The following ULK4 variants were observed in gnomAD, a reference collection of about 807,000 sequenced individuals.
ULK4 encodes unc-51 like kinase 4, also known as inactive serine/threonine-protein kinase ULK4.
A neutral mutation model predicts 160.6 loss-of-function variants in ULK4; 133 were observed. That is an observed-to-expected ratio of 0.83 (90% CI 0.72 to 0.96). The LOEUF is 0.96. Among genes scored for constraint, ULK4 ranks in the 40% least tolerant of loss-of-function variants. The probability of loss-of-function intolerance (pLI) is 0.00; values close to 1 mark genes in which losing one functional copy is unlikely to be tolerated. For missense variants in ULK4, 1,580 were observed against 1,499.5 expected (o/e 1.05, Z -0.89); for synonymous variants, 534 against 539.8 (o/e 0.99, Z 0.15).
intron 35 of ULK4, among the ~76,000 whole-genome samples, chr3:41,312,950 A>T (rs1447813298): frequency 1.3e-5 from 2 of 152,222 alleles, no homozygotes; most frequent in Non-Finnish European, 2.9e-5. Context: ...CATCATACAA[A>T]CAAATAAATT....
chr3:41,596,801 T>C (rs1409200416), intron 31 of ULK4, among the ~76,000 whole-genome samples: 1 of 152,102 alleles, frequency 6.6e-6, no homozygotes, highest in Non-Finnish European at 1.5e-5. Flanking sequence ...GGACCATTCA[T>C]ATGAAAATGA....
chr3:41,791,641 T>C (rs1481740555), intron 20 of ULK4, among the ~76,000 whole-genome samples: 1 of 152,226 alleles, frequency 6.6e-6, no homozygotes, highest in Non-Finnish European at 1.5e-5. Context: ...TATTATTTTA[T>C]AGTAATATTT....
chr3:41,384,535 G>C (rs191220090), intron 35 of ULK4, among the ~76,000 whole-genome samples: 20 of 152,244 alleles, frequency 1.3e-4, no homozygotes, highest in African/African-American at 4.3e-4. Flanking sequence ...ATTTTTCTGA[G>C]ATCAGATGAG....
chr3:41,856,631 G>GTGTATATATATACACATA (rs2042371840), intron 17 of ULK4, among the ~76,000 whole-genome samples: 1 of 129,684 alleles, frequency 7.7e-6, no homozygotes, highest in Non-Finnish European at 1.6e-5. Flanking sequence ...ATATATATAT[G>GTGTATATATATACACATA]TATATATATG....
At chr3:41,679,830 C>T (rs1021419592) in intron 29 of ULK4, among the ~76,000 whole-genome samples, 2 of 152,222 alleles carry the variant, frequency 1.3e-5, no homozygotes, top group Non-Finnish European at 2.9e-5. Flanking sequence ...GAAAAATGTT[C>T]TCTACAAGTT....
intron 32 of ULK4, among the ~76,000 whole-genome samples, chr3:41,485,628 G>A (rs1244807766): frequency 6.6e-6 from 1 of 152,210 alleles, no homozygotes; most frequent in Non-Finnish European, 1.5e-5. Context: ...GCCACTCAGA[G>A]TGAGTCCATT....
At chr3:41,715,624 G>A in intron 23 of ULK4, 56 bp from the exon 24 acceptor site, 1 of 1,608,528 alleles carries the variant, frequency 6.2e-7, no homozygotes, top group African/African-American at 1.3e-5. Flanking sequence ...ATACTTAGGA[G>A]CCACTGGTCA....
At chr3:41,671,014 TA>T (rs1359190626) in intron 29 of ULK4, among the ~76,000 whole-genome samples, 4 of 151,928 alleles carry the variant, frequency 2.6e-5, no homozygotes, top group African/African-American at 9.6e-5. Flanking sequence ...AATGATTAAG[TA>T]AAGGAAAAAA....
At chr3:41,441,855 T>C (rs2083177891) in intron 34 of ULK4, among the ~76,000 whole-genome samples, 1 of 152,180 alleles carries the variant, frequency 6.6e-6, no homozygotes, top group Admixed American at 6.5e-5. Context: ...TTGTTTTGCT[T>C]CATGTGGTTT....
At chr3:41,569,685 T>C (rs753985866) in intron 31 of ULK4, among the ~76,000 whole-genome samples, 2 of 152,126 alleles carry the variant, frequency 1.3e-5, no homozygotes, top group Non-Finnish European at 2.9e-5. Flanking sequence ...TTATATTGCC[T>C]TTTACACCGT....
At chr3:41,442,062 C>G (rs898814533) in intron 34 of ULK4, among the ~76,000 whole-genome samples, 1 of 152,056 alleles carries the variant, frequency 6.6e-6, no homozygotes, top group Non-Finnish European at 1.5e-5. Flanking sequence ...GTCTTTATAG[C>G]TAAGATATGC....
intron 34 of ULK4, among the ~76,000 whole-genome samples, chr3:41,449,452 T>C (rs1273392503): frequency 6.6e-6 from 1 of 152,150 alleles, no homozygotes; most frequent in African/African-American, 2.4e-5. Context: ...AAGAGGGGTA[T>C]CATCTTTAAA....
At chr3:41,254,834 G>C (rs1419108984) in intron 35 of ULK4, among the ~76,000 whole-genome samples, 1 of 150,880 alleles carries the variant, frequency 6.6e-6, no homozygotes, top group African/African-American at 2.4e-5. Context: ...ACTGAGCAGA[G>C]ATCATGCCAC....
intron 34 of ULK4, among the ~76,000 whole-genome samples, chr3:41,445,928 T>C (rs1222716627): frequency 1.3e-5 from 2 of 151,518 alleles, no homozygotes; most frequent in African/African-American, 4.9e-5. Flanking sequence ...ACCATCAGAG[T>C]GAACAGGCAA....
intron 35 of ULK4, among the ~76,000 whole-genome samples, chr3:41,356,364 C>T (rs879779728): frequency 2.0e-5 from 3 of 152,140 alleles, no homozygotes; most frequent in South Asian, 2.1e-4. Flanking sequence ...CATCTCTTGC[C>T]GTTTATCTTG....
chr3:41,492,379 C>G (rs1292588442), intron 32 of ULK4, among the ~76,000 whole-genome samples: 3 of 144,270 alleles, frequency 2.1e-5, no homozygotes, highest in African/African-American at 7.8e-5. Flanking sequence ...TTCTCCACAT[C>G]CTCCCCAGCA....
chr3:41,432,627 C>T (rs1056364925), intron 34 of ULK4, among the ~76,000 whole-genome samples: 15 of 152,160 alleles, frequency 9.9e-5, no homozygotes, highest in Admixed American at 9.2e-4. Flanking sequence ...ATAGAAGACA[C>T]TTTGCTATTA....
At position 41,298,313 on chromosome 3, in the gene ULK4, T is replaced by A. The variant is rs866606828; in HGVS notation, c.3679-48739A>T. ...CATTGGGATTCAAAAGACGAACACA[T>A]TAGCTTTTCCTAAGAGTTTAAAGAT... is the stretch of plus-strand genomic sequence containing the variant. On this transcript the variant is annotated intron_variant, in intron 35 of 36. Transcript: ENST00000301831. 2.0e-5 allele frequency among the ~76,000 whole-genome samples: 3 copies of A among 152,324 alleles called. No individual in the cohort carries two copies. In the South Asian group the frequency reaches 6.2e-4, roughly 32 times the overall value.
intron 16 of ULK4, among the ~76,000 whole-genome samples, chr3:41,887,003 C>T (rs893283198): frequency 7.9e-5 from 12 of 152,206 alleles, no homozygotes; most frequent in East Asian, 1.9e-4. Flanking sequence ...TACATTCACA[C>T]ATTCAAGCAT....
Sources: gnomAD v4.1 joint callset for allele counts (sites outside exome capture counted in the v4.1 genomes callset) on GRCh38, gnomAD v4.1.1 for gene constraint, MANE v1.5 for transcripts, NCBI Gene and HGNC (gene_info 2026-07-23, HGNC 2026-07-21) for gene names.